Variants in CALCR observed in about 807,000 individuals in gnomAD.
The protein encoded by CALCR is calcitonin receptor.
Under a neutral mutation model 59.5 loss-of-function variants are expected in CALCR, and 47 were observed. The observed-to-expected ratio is 0.79, with a 90% CI of 0.63 to 1.01. The LOEUF is 1.01. CALCR is among the 50% of genes least tolerant of loss of function. The pLI is 0.00. For missense variants in CALCR, 566 were observed against 597.1 expected (o/e 0.95, Z 0.54); for synonymous variants, 213 against 211.3 (o/e 1.01, Z -0.07).
chr7:93,541,038 A>T (rs1010488282), intron 2 of CALCR, among the ~76,000 whole-genome samples: 1 of 152,090 alleles, frequency 6.6e-6, no homozygotes, highest in Non-Finnish European at 1.5e-5. Flanking sequence ...AAAAATACTG[A>T]TATGTTTTGG....
chr7:93,543,530 A>T (rs963511015), intron 2 of CALCR, among the ~76,000 whole-genome samples: 1 of 152,154 alleles, frequency 6.6e-6, no homozygotes, highest in African/African-American at 2.4e-5. Flanking sequence ...TAAGGCTACG[A>T]TGTGAGCATG....
chr7:93,516,078 A>C (rs936385023), intron 2 of CALCR, among the ~76,000 whole-genome samples: 10 of 152,062 alleles, frequency 6.6e-5, no homozygotes, highest in Admixed American at 1.3e-4. Context: ...ATTCAAAACC[A>C]GTGTGACCAT....
chr7:93,477,474 A>C (rs540776819), intron 5 of CALCR, 84 bp downstream of exon 5: 3 of 897,032 alleles, frequency 3.3e-6, no homozygotes, highest in Non-Finnish European at 5.3e-6. Flanking sequence ...AGGTGGGTAC[A>C]TTTTGTATCT....
At chr7:93,478,362 A>G (rs574707606) in intron 4 of CALCR, among the ~76,000 whole-genome samples, 19 of 152,026 alleles carry the variant, frequency 1.2e-4, no homozygotes, top group African/African-American at 4.1e-4. Flanking sequence ...GTAACAGAGT[A>G]TATTTTACCA....
chr7:93,511,719 A>G (rs1381103039), intron 2 of CALCR, among the ~76,000 whole-genome samples: 1 of 152,200 alleles, frequency 6.6e-6, no homozygotes, highest in Non-Finnish European at 1.5e-5. Context: ...TGATGAATAC[A>G]GTGGATGAAA....
At chr7:93,531,244 T>C (rs1366915964) in intron 2 of CALCR, among the ~76,000 whole-genome samples, 1 of 152,144 alleles carries the variant, frequency 6.6e-6, no homozygotes, top group Non-Finnish European at 1.5e-5. Context: ...CATAACGCTA[T>C]ATGGATGCTA....
intron 8 of CALCR, among the ~76,000 whole-genome samples, chr7:93,458,191 T>C (rs752453372): frequency 6.6e-6 from 1 of 152,152 alleles, no homozygotes; most frequent in African/African-American, 2.4e-5. Flanking sequence ...ATAATGTCTC[T>C]CTGCATATAT....
chr7:93,542,783 T>C (rs958404923), intron 2 of CALCR, among the ~76,000 whole-genome samples: 5 of 152,112 alleles, frequency 3.3e-5, no homozygotes, highest in Admixed American at 1.3e-4. Context: ...AACCCACACA[T>C]TAGCCTAAGC....
intron 5 of CALCR, among the ~76,000 whole-genome samples, chr7:93,477,111 C>CT (rs1228237990): frequency 6.6e-6 from 1 of 151,794 alleles, no homozygotes; most frequent in Admixed American, 6.6e-5. Flanking sequence ...CCACTTAACC[C>CT]CTGTAGGCTC....
rs753050253 is a variant in CALCR at position 93,435,942 on chromosome 7, G to A, written c.1149+10C>T. On this transcript the variant is annotated intron_variant, in intron 12 of 13. Coordinates refer to ENST00000426151, the MANE Select transcript of CALCR (RefSeq NM_001742.4). ...CAGTAGTTGAATAAATACACCTTTG[G>A]CTTCCTTACCTGGAAATGAATCAGA... 3 of 1,555,876 alleles carry A rather than the reference G, an allele frequency of 1.9e-6. No homozygotes were observed. In the South Asian group the frequency reaches 3.3e-5, roughly 17 times the overall value.
chr7:93,504,318 T>C (rs1801381910), intron 2 of CALCR, among the ~76,000 whole-genome samples: 1 of 152,244 alleles, frequency 6.6e-6, no homozygotes, highest in Non-Finnish European at 1.5e-5. Flanking sequence ...ATCATTGTAA[T>C]ATTGTTTAAG....
chr7:93,528,661 C>T (rs980025819), intron 2 of CALCR, among the ~76,000 whole-genome samples: 3 of 152,180 alleles, frequency 2.0e-5, no homozygotes, highest in African/African-American at 7.2e-5. Context: ...GTAATATAAT[C>T]TTAAAGGACT....
chr7:93,443,311 A>G (rs1799947550), intron 9 of CALCR, among the ~76,000 whole-genome samples: 1 of 152,144 alleles, frequency 6.6e-6, no homozygotes, highest in Admixed American at 6.6e-5. Flanking sequence ...ATCTTCTCTC[A>G]ATCAGGACAC....
rs138252264 is a variant in CALCR at position 93,572,328 on chromosome 7, C to T, written c.-27+1961G>A. Among the ~76,000 whole-genome samples the T allele has an allele frequency of 2.8e-3, 419 of 152,094 alleles. 3 individuals are homozygous for T. The highest frequency in any genetic ancestry group is 9.8e-3 in the African/African-American group (406 of 41,488). ...AGTTCTACCAAGTCTGGTGGAAACC[C>T]TCTTGGTCAGTGGCTCTCAATCCTG... On this transcript the variant is annotated intron_variant, in intron 2 of 13. Transcript: ENST00000426151.
intron 8 of CALCR, among the ~76,000 whole-genome samples, chr7:93,455,722 T>A (rs1800196545): frequency 6.6e-6 from 1 of 152,104 alleles, no homozygotes; most frequent in South Asian, 2.1e-4. Flanking sequence ...TAATGAAATG[T>A]ATTACAATGG....
chr7:93,526,710 T>G (rs1801884383), intron 2 of CALCR, among the ~76,000 whole-genome samples: 1 of 152,090 alleles, frequency 6.6e-6, no homozygotes. Context: ...AAGAAATAAA[T>G]GACATCCTGT....
chr7:93,548,458 T>C (rs1470151863), intron 2 of CALCR, among the ~76,000 whole-genome samples: 2 of 152,186 alleles, frequency 1.3e-5, no homozygotes, highest in Admixed American at 6.5e-5. Context: ...CATGTGATTT[T>C]TGACATATAA....
At chr7:93,443,524 G>C in intron 9 of CALCR, 80 bp downstream of exon 9, 1 of 1,371,054 alleles carries the variant, frequency 7.3e-7, no homozygotes. Context: ...TCTATTCTCT[G>C]AGACCAAGAC....
chr7:93,476,007 C>A (rs1321128551), intron 5 of CALCR, among the ~76,000 whole-genome samples: 1 of 151,750 alleles, frequency 6.6e-6, no homozygotes, highest in African/African-American at 2.4e-5. Context: ...TTGCAGATTC[C>A]GAGGTCCTGT....
Sources: gnomAD v4.1 joint callset for allele counts (sites outside exome capture counted in the v4.1 genomes callset) on GRCh38, gnomAD v4.1.1 for gene constraint, MANE v1.5 for transcripts, NCBI Gene and HGNC (gene_info 2026-07-23, HGNC 2026-07-21) for gene names.